The following ZFAT variants were observed in gnomAD, a reference collection of about 807,000 sequenced individuals.
The protein encoded by ZFAT is zinc finger protein ZFAT.
In ZFAT, 64 loss-of-function variants were observed where a neutral mutation model predicts 117.7. The observed-to-expected ratio is 0.54, with a 90% confidence interval of 0.44 to 0.67. ZFAT has a LOEUF of 0.67. Ranked by LOEUF, ZFAT falls within the 30% of genes least tolerant of loss-of-function variation. ZFAT has a pLI of 0.00. For synonymous variants in ZFAT, 679 were observed against 615.0 expected (o/e 1.10, Z -1.54); for missense variants, 1,433 against 1,584.5 (o/e 0.90, Z 1.62).
chr8:134,809,271 C>T, the ZFAT span, among the ~76,000 whole-genome samples: 1 of 152,166 alleles, frequency 6.6e-6, no homozygotes, highest in Non-Finnish European at 1.5e-5. Context: ...CTACTCCATC[C>T]AAACTAGGGG....
At chr8:134,729,466 G>C in the ZFAT span, among the ~76,000 whole-genome samples, 1 of 152,162 alleles carries the variant, frequency 6.6e-6, no homozygotes, top group South Asian at 2.1e-4. Flanking sequence ...CAAGTAGCTG[G>C]GACTACAGGC....
In ZFAT at chr8:134,532,911, T is replaced by C. The variant is rs368154000; in HGVS notation, c.3038A>G (p.Tyr1013Cys). 1.9e-6 allele frequency: 3 copies of C among 1,609,634 alleles called. No individual in the cohort carries two copies. Among genetic ancestry groups the C allele is most frequent in the East Asian group, 2.2e-5 (1 of 44,776 alleles). ...CTCCTCATTAGGGTGCTTCCTGTTGTAGTGCCGCTTCAGAGAGCCAGATAT... is the reference window on the plus strand; with the variant it reads ...CTCCTCATTAGGGTGCTTCCTGTTGCAGTGCCGCTTCAGAGAGCCAGATAT... ...CNISGSLKRH[Y>C]NRKHPNEEYA... The change falls in exon 12 of 16, where the codon TAC becomes TGC. Residue 1013 changes from tyrosine (Y) to cysteine (C), a missense_variant. Tyr to Cys is a radical substitution (Grantham distance 194, BLOSUM62 -2). Transcript: ENST00000377838.
chr8:134,579,973 A>AG (rs1332422046), intron 10 of ZFAT, among the ~76,000 whole-genome samples: 1 of 150,896 alleles, frequency 6.6e-6, no homozygotes, highest in African/African-American at 2.4e-5. Context: ...AAAAAAAAAA[A>AG]GAACAATGCC....
the ZFAT span, among the ~76,000 whole-genome samples, chr8:134,727,273 G>A: frequency 6.6e-6 from 1 of 152,306 alleles, no homozygotes; most frequent in East Asian, 1.9e-4. Flanking sequence ...GTGATAAGAA[G>A]GAGCCAGGCT....
At chr8:134,579,465 A>AC (rs1359263510) in intron 10 of ZFAT, among the ~76,000 whole-genome samples, 1 of 152,124 alleles carries the variant, frequency 6.6e-6, no homozygotes, top group Non-Finnish European at 1.5e-5. Flanking sequence ...CGTGAGACTT[A>AC]CCCCTAGCAC....
chr8:134,611,239 C>T (rs750730962), intron 3 of ZFAT, among the ~76,000 whole-genome samples: 1 of 152,208 alleles, frequency 6.6e-6, no homozygotes, highest in South Asian at 2.1e-4. Context: ...TTCTCCACTT[C>T]GTGGGGAGGT....
At chr8:134,517,402 C>T (rs974950870) in intron 13 of ZFAT, among the ~76,000 whole-genome samples, 5 of 152,134 alleles carry the variant, frequency 3.3e-5, no homozygotes, top group African/African-American at 1.2e-4. Flanking sequence ...CATATAATGA[C>T]CCCATTTCTT....
chr8:134,709,871 A>C (rs1279707502), intron 1 of ZFAT, among the ~76,000 whole-genome samples: 1 of 152,226 alleles, frequency 6.6e-6, no homozygotes, highest in African/African-American at 2.4e-5. Context: ...TCCAATTCAC[A>C]CAATGACCAT....
At position 134,654,219 on chromosome 8, in the gene ZFAT, C is replaced by T. The variant is rs191942732; in HGVS notation, c.196+3342G>A. On this transcript the variant is annotated intron_variant, in intron 2 of 15. Transcript: ENST00000377838. ...CTGAGGCAGGAGAATCACTTGAACC[C>T]GGGAGACGGACGTTGCAGTGAGCCA... is the stretch of plus-strand genomic sequence containing the variant. 1.3e-3 allele frequency among the ~76,000 whole-genome samples: 203 copies of T among 151,936 alleles called. 1 individual carries two copies. The highest frequency in any genetic ancestry group is 1.9e-3 in the Non-Finnish European group (128 of 67,984).
chr8:134,580,405 A>C (rs961023589), intron 10 of ZFAT, among the ~76,000 whole-genome samples: 4 of 152,234 alleles, frequency 2.6e-5, no homozygotes, highest in Admixed American at 1.3e-4. Flanking sequence ...TGAGAGCCTC[A>C]TCAAGACAAC....
intron 13 of ZFAT, among the ~76,000 whole-genome samples, chr8:134,513,325 G>C (rs1220053802): frequency 1.3e-5 from 2 of 151,750 alleles, no homozygotes; most frequent in Admixed American, 6.6e-5. Flanking sequence ...AGCCTCCCGA[G>C]TGCCTGGGAT....
Position 134,608,898 on chromosome 8 carries a change from G to T in ZFAT, c.635-19C>A. Reference sequence around the variant, plus strand: ...GTAGCACCTGAGATTGATGCAAAAGGCATTGCTTATTGAGAGGCATCGAAA... The same window carrying T: ...GTAGCACCTGAGATTGATGCAAAAGTCATTGCTTATTGAGAGGCATCGAAA... On this transcript the variant is annotated intron_variant, in intron 4 of 15. Coordinates refer to ENST00000377838, the MANE Select transcript of ZFAT (RefSeq NM_020863.4). 1 of 1,594,174 alleles carries T rather than the reference G, an allele frequency of 6.3e-7. No homozygotes were observed. The highest frequency in any genetic ancestry group is 2.3e-5 in the East Asian group (1 of 43,956).
chr8:134,823,245 G>C, the ZFAT span, among the ~76,000 whole-genome samples: 1 of 152,234 alleles, frequency 6.6e-6, no homozygotes, highest in Non-Finnish European at 1.5e-5. Context: ...GGAAAGTACT[G>C]AAACAGTTGC....
the ZFAT span, among the ~76,000 whole-genome samples, chr8:134,748,607 A>T: frequency 6.6e-6 from 1 of 152,208 alleles, no homozygotes; most frequent in African/African-American, 2.4e-5. Context: ...TCTCTAAAAA[A>T]CATGGAATAT....
At chr8:134,674,773 TG>T in intron 1 of ZFAT, 1 of 299,236 alleles carries the variant, frequency 3.3e-6, no homozygotes. Context: ...GGTGCCCCTC[TG>T]GGACGAAGCT....
At chr8:134,763,449 A>G in the ZFAT span, among the ~76,000 whole-genome samples, 1 of 152,302 alleles carries the variant, frequency 6.6e-6, no homozygotes, top group Admixed American at 6.5e-5. Context: ...GTCTCAGCTC[A>G]AATCTTACCT....
rs188195322 is a variant in ZFAT, at chr8:134,623,926, C to T, written c.449-13271G>A. On this transcript the variant is annotated intron_variant, in intron 3 of 15. Transcript: ENST00000377838. ...CCCCTTCCACAAGCTCTCCCAATAC[C>T]TTGTGGAGCACCCACCAGCTGTTCC... Among the ~76,000 whole-genome samples the T allele has an allele frequency of 9.2e-5, 14 of 152,162 alleles. No individual in the cohort carries two copies. The East Asian group carries it at 2.3e-3, about 25-fold the overall frequency.
the ZFAT span, among the ~76,000 whole-genome samples, chr8:134,830,794 G>C: frequency 6.6e-6 from 1 of 152,088 alleles, no homozygotes; most frequent in South Asian, 2.1e-4. Flanking sequence ...TAATTTCCAG[G>C]TAACATTCAA....
chr8:134,721,095 G>C, the ZFAT span, among the ~76,000 whole-genome samples: 1 of 152,200 alleles, frequency 6.6e-6, no homozygotes, highest in Non-Finnish European at 1.5e-5. Flanking sequence ...GTCCAGGGAG[G>C]GTGCCAGCCC....
Sources: allele counts gnomAD v4.1 joint callset (sites outside exome capture counted in the v4.1 genomes callset), GRCh38; gene constraint gnomAD v4.1.1; transcripts MANE v1.5; gene names NCBI Gene and HGNC (gene_info 2026-07-23, HGNC 2026-07-21).